The following GUCY2D variants were observed in gnomAD, a reference collection of about 807,000 sequenced individuals.
The protein encoded by GUCY2D is guanylate cyclase 2D, retinal.
GUCY2D carries 70 observed loss-of-function variants against 101.3 expected under a neutral mutation model. The observed-to-expected ratio is 0.69, with a 90% CI of 0.57 to 0.84. The LOEUF (loss-of-function observed/expected upper bound fraction) is 0.84, where lower values mean the gene tolerates loss of function less well. GUCY2D is among the 40% of genes least tolerant of loss of function. The pLI is 0.00. For synonymous variants in GUCY2D, 688 were observed against 670.7 expected, an observed-to-expected ratio of 1.03 and a Z score of -0.40; for missense variants, 1,460 against 1,542.5, an observed-to-expected ratio of 0.95 and a Z score of 0.90.
In GUCY2D at chr17:8,016,032, G is replaced by GT; in HGVS notation, c.3138+11_3138+12insT. On this transcript the variant is annotated intron_variant, in intron 17 of 19. Transcript: ENST00000254854. ...CGCACGGAGCTGAAGGTGAGGCAGG[G>GT]CCCCAACCCCTCCCGGAGGCCCCGC... The GT allele has an allele frequency of 6.3e-7, 1 of 1,597,598 alleles. No individual in the cohort carries two copies.
chr17:8,012,299 A>G lies in GUCY2D; in HGVS notation c.1905A>G (p.Glu635=). ...GSLQDLLAQR[E]IKLDWMFKSS... Reference sequence around the variant, plus strand: ...TTCAGGACCTCCTCGCTCAGAGAGAAATAAAGCTGGACTGGATGTTCAAGT... The same window carrying G: ...TTCAGGACCTCCTCGCTCAGAGAGAGATAAAGCTGGACTGGATGTTCAAGT... Residue 635 remains glutamate (E), a synonymous_variant, in exon 9 of 20, where the codon GAA becomes GAG. Transcript: ENST00000254854. 4.3e-6 allele frequency: 7 copies of G among 1,613,998 alleles called. No individual in the cohort carries two copies. Among genetic ancestry groups the G allele is most frequent in the Non-Finnish European group, 5.9e-6 (7 of 1,179,984 alleles).
intron 19 of GUCY2D, among the ~76,000 whole-genome samples, chr17:8,019,565 C>T (rs1034808055): frequency 1.3e-5 from 2 of 152,158 alleles, no homozygotes; most frequent in African/African-American, 4.8e-5. Context: ...GAACCCCCAC[C>T]CCAGAGTTCA....
rs1261330161 is a variant in GUCY2D, at chr17:8,016,432, C to T, written c.3225-11C>T. 1 of 1,552,502 alleles carries T rather than the reference C, an allele frequency of 6.4e-7. No homozygotes were observed. The highest frequency in any genetic ancestry group is 1.9e-5 in the Admixed American group (1 of 52,004). On this transcript the variant is annotated splice_polypyrimidine_tract_variant and intron_variant, in intron 18 of 19. Transcript: ENST00000254854. ...TTCCCCTTCCCTGAGGCCACCGCCC[C>T]CTCCTTGCAGGTCCAGCAACCACGG...
In GUCY2D at chr17:8,015,148, A is replaced by G. The variant is rs532142507; in HGVS notation, c.2769+97A>G. ...GCGCAGCCCCTAGCCTACCTGCCCAATCAATCTTCTTTCCCAGACCTCCTG... is the reference window on the plus strand; with the variant it reads ...GCGCAGCCCCTAGCCTACCTGCCCAGTCAATCTTCTTTCCCAGACCTCCTG... On this transcript the variant is annotated intron_variant, in intron 14 of 19. Transcript: ENST00000254854. The G allele has an allele frequency of 4.4e-5, 51 of 1,169,938 alleles. 1 individual carries two copies. In the African/African-American group the frequency reaches 6.4e-4, roughly 15 times the overall value. The allele number at this position is 1,169,938 out of a possible 1,614,324, so 72.5% of individuals were successfully genotyped here.
chr17:8,014,605 A>C lies in GUCY2D; in HGVS notation c.2417A>C (p.Lys806Thr). 1 of 1,614,172 alleles carries C rather than the reference A, an allele frequency of 6.2e-7. No homozygotes were observed. Among genetic ancestry groups the C allele is most frequent in the East Asian group, 2.2e-5 (1 of 44,884 alleles). The change falls in exon 13 of 20, where the codon AAG becomes ACG. Residue 806 changes from lysine to threonine, a missense_variant. By Grantham distance (78) the Lys-to-Thr change is moderately conservative. Transcript: ENST00000254854. The surrounding 1 kb of genome is among the most constrained non-coding windows in gnomAD (Gnocchi z 4.0). ...CCAGCTTCCTTCTACTGCTAGTTCA[A>C]GAACATCAACAAGGGCCGGAAGACG... ...PSMDHTFDLF[K>T]NINKGRKTNI...
chr17:8,009,539 G>A lies in GUCY2D; in HGVS notation c.1702G>A (p.Asp568Asn), dbSNP rs754170292. Reference protein sequence around the residue: ...DRVWLKKFPGDQHIAIRPATK... With the variant: ...DRVWLKKFPGNQHIAIRPATK... ...GGTTTGGCTGAAGAAATTCCCAGGG[G>A]ATCAGCACATAGCTATCCGCCCAGC... The change falls in exon 8 of 20, where the codon GAT becomes AAT. Residue 568 changes from aspartate to asparagine, a missense_variant. Physicochemically the swap from Asp to Asn is conservative, Grantham distance 23. This residue lies in a region of GUCY2D where 1,196 missense variants were observed against 1,229.6 expected (regional missense o/e 0.97). Transcript: ENST00000254854. 2 of 1,613,718 alleles carry A rather than the reference G, an allele frequency of 1.2e-6. No homozygotes were observed. Among genetic ancestry groups the A allele is most frequent in the Non-Finnish European group, 1.7e-6 (2 of 1,179,742 alleles).
At position 8,012,517 on chromosome 17, in the gene GUCY2D, A is replaced by C; in HGVS notation, c.2024A>C (p.Asp675Ala). ...GRLKSRNCIV[D>A]GRFVLKITDH... ...CTGAAGTCACGGAACTGCATAGTGG[A>C]TGGCAGATTCGTACTCAAGATCACT... The change falls in exon 10 of 20, where the codon GAT becomes GCT. Residue 675 changes from aspartate (D) to alanine (A), a missense_variant. Around this residue, in one of 3 missense-constraint regions of GUCY2D, gnomAD observed 1,196 missense variants for 1,229.6 expected, o/e 0.97. Transcript: ENST00000254854. 4 of 1,613,804 alleles carry C rather than the reference A, an allele frequency of 2.5e-6. No homozygotes were observed. Among genetic ancestry groups the C allele is most frequent in the Non-Finnish European group, 3.4e-6 (4 of 1,179,762 alleles).
At chr17:8,010,230 C>T (rs1975823619) in intron 8 of GUCY2D, among the ~76,000 whole-genome samples, 1 of 152,166 alleles carries the variant, frequency 6.6e-6, no homozygotes, top group African/African-American at 2.4e-5. Context: ...GTTTGTTGAT[C>T]TAATGATAGA....
In GUCY2D at chr17:8,007,537, G is replaced by A; in HGVS notation, c.1566+9G>A. The A allele has an allele frequency of 6.6e-7, 1 of 1,511,666 alleles. No individual in the cohort carries two copies. The highest frequency in any genetic ancestry group is 9.2e-7 in the Non-Finnish European group (1 of 1,086,808). The allele number at this position is 1,511,666 out of a possible 1,614,324, so 93.6% of individuals were successfully genotyped here. ...GGGGCACCTCTCGAAAGGTGGGGGA[G>A]GCAGAGAGGCAGGAGCCAGTTGTCT... On this transcript the variant is annotated intron_variant, in intron 6 of 19. Coordinates refer to ENST00000254854, the MANE Select transcript of GUCY2D (RefSeq NM_000180.4).
chr17:8,005,193 A>G (rs2151800029), intron 3 of GUCY2D, among the ~76,000 whole-genome samples: 1 of 152,258 alleles, frequency 6.6e-6, no homozygotes, highest in East Asian at 1.9e-4. Context: ...ATTCGAATTC[A>G]TCCGCTTTCT....
Position 8,002,818 on chromosome 17 carries a change from G to C in GUCY2D, c.-10+84G>C, listed in dbSNP as rs1307201275. 3.8e-6 allele frequency: 2 copies of C among 523,402 alleles called. No individual in the cohort carries two copies. The highest frequency in any genetic ancestry group is 6.7e-6 in the Non-Finnish European group (2 of 298,508). The allele number at this position is 523,402 out of a possible 1,614,324, so 32.4% of individuals were successfully genotyped here. On this transcript the variant is annotated intron_variant, in intron 1 of 19. Coordinates refer to ENST00000254854, the MANE Select transcript of GUCY2D (RefSeq NM_000180.4). This position sits in a 1 kb window ranked among gnomAD's most constrained non-coding sequence, Gnocchi z 4.9. ...CTGCTGACCCCTGACGCCTCCGACG[G>C]GGGGAGGGGCAGGCCGGGTGGGAGC...
Position 8,015,336 on chromosome 17 carries a change from A to G in GUCY2D, c.2778A>G (p.Thr926=), listed in dbSNP as rs772112577. Residue 926 remains threonine (T), a synonymous_variant, in exon 15 of 20, where the codon ACA becomes ACG. Transcript: ENST00000254854. The part of the protein sequence containing the change: ...IGSHDVYKVE[T]IGDAYMVASG... Reference sequence around the variant, plus strand: ...ACTCCTTCTTCCCCCAGGTGGAGACAATAGGGGACGCCTATATGGTGGCCT... The same window carrying G: ...ACTCCTTCTTCCCCCAGGTGGAGACGATAGGGGACGCCTATATGGTGGCCT... 6.2e-7 allele frequency: 1 copy of G among 1,606,672 alleles called. No individual in the cohort carries two copies. Among genetic ancestry groups the G allele is most frequent in the Non-Finnish European group, 8.5e-7 (1 of 1,179,728 alleles).
At chr17:8,016,056 G>A in intron 17 of GUCY2D, 35 bp downstream of exon 17, 3 of 1,543,246 alleles carry the variant, frequency 1.9e-6, no homozygotes, top group South Asian at 1.2e-5. Flanking sequence ...CGGAGGCCCC[G>A]CCCTGTCCTG....
In GUCY2D at chr17:8,003,664, G is replaced by C; in HGVS notation, c.617G>C (p.Arg206Thr). The change falls in exon 2 of 20, where the codon AGG becomes ACG. Residue 206 changes from arginine to threonine, a missense_variant. By Grantham distance (71) the Arg-to-Thr change is moderately conservative. Around this residue, in one of 3 missense-constraint regions of GUCY2D, gnomAD observed 1,196 missense variants for 1,229.6 expected, o/e 0.97. Transcript: ENST00000254854. ...GGACGCTCACTGTCCACGGCACTCA[G>C]GGCCCGGGGCCTGCCTGTCGCCTCC... is the stretch of plus-strand genomic sequence containing the variant. ...EAGRSLSTALRARGLPVASVT... is the reference protein window; with the variant it reads ...EAGRSLSTALTARGLPVASVT... 6.3e-7 allele frequency: 1 copy of C among 1,595,514 alleles called. No homozygotes were observed. The highest frequency in any genetic ancestry group is 2.2e-5 in the East Asian group (1 of 44,718).
At position 8,003,253 on chromosome 17, in the gene GUCY2D, C is replaced by T; in HGVS notation, c.206C>T (p.Ser69Phe). ...CCCTGGGCTTGCGACCCCATCTTCT[C>T]TCGGGCTCGCCCGGACCTGGCCGCC... ...LGPWACDPIFSRARPDLAARL... is the reference protein window; with the variant it reads ...LGPWACDPIFFRARPDLAARL... Residue 69 changes from serine to phenylalanine, a missense_variant, in exon 2 of 20, where the codon TCT becomes TTT. Coordinates refer to ENST00000254854, the MANE Select transcript of GUCY2D (RefSeq NM_000180.4). 1 of 1,513,662 alleles carries T rather than the reference C, an allele frequency of 6.6e-7. No homozygotes were observed. Among genetic ancestry groups the T allele is most frequent in the Non-Finnish European group, 8.8e-7 (1 of 1,136,180 alleles). The allele number at this position is 1,513,662 out of a possible 1,614,324, so 93.8% of individuals were successfully genotyped here. A position where few individuals can be genotyped will look rare whatever the true frequency, so the allele number is the denominator to read the frequency against.
intron 10 of GUCY2D, among the ~76,000 whole-genome samples, 187 bp downstream of exon 10, chr17:8,012,793 G>GC (rs1213796159): frequency 1.3e-5 from 2 of 152,246 alleles, no homozygotes; most frequent in Admixed American, 1.3e-4. Flanking sequence ...AGACGGGGCT[G>GC]CTGGGGGCGG....
Position 8,006,611 on chromosome 17 carries a change from C to A in GUCY2D, c.1275C>A (p.Gly425=), listed in dbSNP as rs779783880. 6.8e-6 allele frequency: 11 copies of A among 1,612,768 alleles called. No individual in the cohort carries two copies. Among genetic ancestry groups the A allele is most frequent in the Non-Finnish European group, 9.3e-6 (11 of 1,179,684 alleles). ...CATACATGCTGGATCCTGCCCGGGG[C>A]TCCTTCCTCTCCGCCGGTACCCGGA... The part of the protein sequence containing the change: ...FATYMLDPAR[G]SFLSAGTRMH... The change falls in exon 4 of 20, where the codon GGC becomes GGA. Residue 425 remains glycine (G), a synonymous_variant. Coordinates refer to ENST00000254854, the MANE Select transcript of GUCY2D (RefSeq NM_000180.4).
rs1268578360 is a variant in GUCY2D at position 8,006,509 on chromosome 17, C to T, written c.1173C>T (p.Cys391=). The part of the protein sequence containing the change: ...HIRDAQVPGF[C]GDLGGDEEPP... ...GGGATGCGCAGGTCCCTGGCTTCTG[C>T]GGGGACCTAGGAGGAGACGAGGAGC... The change falls in exon 4 of 20, where the codon TGC becomes TGT. Residue 391 remains cysteine, a synonymous_variant. Transcript: ENST00000254854. 3 of 1,609,708 alleles carry T rather than the reference C, an allele frequency of 1.9e-6. No individual in the cohort carries two copies. Among genetic ancestry groups the T allele is most frequent in the Admixed American group, 1.7e-5 (1 of 60,022 alleles).
In GUCY2D at chr17:8,007,161, G is replaced by C; in HGVS notation, c.1463+17G>C. 1.3e-6 allele frequency: 2 copies of C among 1,569,460 alleles called. No individual in the cohort carries two copies. The highest frequency in any genetic ancestry group is 1.8e-6 in the Non-Finnish European group (2 of 1,139,394). On this transcript the variant is annotated intron_variant, in intron 5 of 19. Transcript: ENST00000254854. The stretch of plus-strand genomic sequence containing the variant: ...TTATGTGAGGTGAGTAGTGGAATGA[G>C]GTAAGTAGGAAGTGAGCTTGTGCCA...
Sources: gnomAD v4.1 joint callset for allele counts (sites outside exome capture counted in the v4.1 genomes callset) on GRCh38, gnomAD v4.1.1 for gene constraint, gnomAD v4.1.1 regional missense constraint, Gnocchi (gnomAD v3.1) non-coding constraint, MANE v1.5 for transcripts, NCBI Gene and HGNC (gene_info 2026-07-23, HGNC 2026-07-21) for gene names.